Variants in GDPD5 observed in about 807,000 individuals in gnomAD.
GDPD5 encodes the protein glycerophosphodiester phosphodiesterase domain containing 5.
GDPD5 carries 48 observed loss-of-function variants against 75.1 expected under a neutral mutation model. The observed-to-expected ratio is 0.64, with a 90% CI of 0.51 to 0.81. GDPD5 has a LOEUF of 0.81. Among genes scored for constraint, GDPD5 ranks in the 40% least tolerant of loss-of-function variants. The pLI is 0.00. For synonymous variants in GDPD5, 336 were observed against 339.0 expected (o/e 0.99, Z 0.10); for missense variants, 706 against 822.6 (o/e 0.86, Z 1.73).
intron 12 of GDPD5, 117 bp downstream of exon 12, chr11:75,442,246 C>T: frequency 1.3e-6 from 1 of 742,660 alleles, no homozygotes; most frequent in East Asian, 2.7e-5. Context: ...AGTGTGTGAT[C>T]CCCATTTTAC....
Position 75,440,150 on chromosome 11 carries a change from C to T in GDPD5, c.1474-189G>A, listed in dbSNP as rs911853313. Among the ~76,000 whole-genome samples, 3 of 152,060 alleles carry T rather than the reference C, an allele frequency of 2.0e-5. No homozygotes were observed. In the East Asian group the frequency reaches 5.8e-4, roughly 29 times the overall value. On this transcript the variant is annotated intron_variant, in intron 14 of 16. Transcript: ENST00000336898. The stretch of plus-strand genomic sequence containing the variant: ...GCTCCAGGCGCTGTGGGCCTGGGGG[C>T]CGGGGCGTGTGTGTGCACACGTGTG...
chr11:75,463,548 T>C (rs954939620), intron 3 of GDPD5, among the ~76,000 whole-genome samples: 2 of 152,162 alleles, frequency 1.3e-5, no homozygotes, highest in Admixed American at 6.5e-5. Flanking sequence ...CTCCCTGCTT[T>C]CATCCGTCCC....
intron 2 of GDPD5, chr11:75,479,352 G>A (rs1330654133): frequency 1.3e-5 from 2 of 152,176 alleles, no homozygotes; most frequent in Non-Finnish European, 2.9e-5. Context: ...CATATGTTCT[G>A]TACCAGGCCC....
rs1242985895 is a variant in GDPD5 at position 75,448,957 on chromosome 11, G to C, written c.714+20C>G. ...CACCCCACCCCAACGGGGCTGTTAG[G>C]ACCCTGAGGTGGCACTCACCATGGG... On this transcript the variant is annotated intron_variant, in intron 9 of 16. Transcript: ENST00000336898. The C allele has an allele frequency of 6.5e-7, 1 of 1,546,340 alleles. No homozygotes were observed. The highest frequency in any genetic ancestry group is 1.3e-5 in the South Asian group (1 of 78,606).
At chr11:75,443,560 G>C (rs1948896037) in intron 10 of GDPD5, among the ~76,000 whole-genome samples, 1 of 152,182 alleles carries the variant, frequency 6.6e-6, no homozygotes, top group Non-Finnish European at 1.5e-5. Flanking sequence ...TACTCTCTTA[G>C]CAACCTTGGA....
chr11:75,457,635 G>C lies in GDPD5; in HGVS notation c.315+58C>G, dbSNP rs547382648. 34 of 1,437,260 alleles carry C rather than the reference G, an allele frequency of 2.4e-5. No homozygotes were observed. The African/African-American group carries it at 4.8e-4, about 20-fold the overall frequency. The allele number at this position is 1,437,260 out of a possible 1,614,324, so 89.0% of individuals were successfully genotyped here. On this transcript the variant is annotated intron_variant, in intron 5 of 16. Coordinates refer to ENST00000336898, the MANE Select transcript of GDPD5 (RefSeq NM_030792.8). ...GGACCCTCCATCAGCCCAGCACAGG[G>C]CCAGTATCCCTTCCCCTGGGAGCAG...
At chr11:75,457,361 C>T (rs541370434) in intron 5 of GDPD5, among the ~76,000 whole-genome samples, 1 of 152,312 alleles carries the variant, frequency 6.6e-6, no homozygotes, top group Admixed American at 6.5e-5. Flanking sequence ...AGAGGACCTC[C>T]TGCTTTGGGG....
intron 6 of GDPD5, chr11:75,451,572 C>T (rs979132224): frequency 6.6e-6 from 1 of 152,200 alleles, no homozygotes; most frequent in African/African-American, 2.4e-5. Flanking sequence ...TCTGGGAGGC[C>T]CAGCTGCGCC....
rs34572465 is a variant in GDPD5 at position 75,459,334 on chromosome 11, A to AT, written c.222-1549dup. ...ACAATTATAGGGTCAAAGAGAATGA[A>AT]TTTTTTTTTTTTTTTTTTGAGACAG... On this transcript the variant is annotated intron_variant, in intron 4 of 16. Coordinates refer to ENST00000336898, the MANE Select transcript of GDPD5 (RefSeq NM_030792.8). Among the ~76,000 whole-genome samples, 1,195 of 140,010 alleles carry AT rather than the reference A, an allele frequency of 8.5e-3. 8 individuals are homozygous for AT. The highest frequency in any genetic ancestry group is 0.022 in the African/African-American group (822 of 38,108). The allele number at this position is 140,010 out of a possible 152,430, so 91.9% of individuals were successfully genotyped here. A position where few individuals can be genotyped will look rare whatever the true frequency, so the allele number is the denominator to read the frequency against.
At chr11:75,506,091 G>A (rs989044763) in intron 1 of GDPD5, among the ~76,000 whole-genome samples, 2 of 152,208 alleles carry the variant, frequency 1.3e-5, no homozygotes, top group South Asian at 4.1e-4. Flanking sequence ...AGCCCCTTGG[G>A]AGGGTCAGAT....
chr11:75,495,386 A>G (rs1356817274), intron 1 of GDPD5, among the ~76,000 whole-genome samples: 4 of 151,634 alleles, frequency 2.6e-5, no homozygotes, highest in Non-Finnish European at 4.4e-5. Context: ...AATCACTTGA[A>G]CCTGAGAAGC....
chr11:75,500,244 T>C (rs1226953550), intron 1 of GDPD5, among the ~76,000 whole-genome samples: 3 of 152,060 alleles, frequency 2.0e-5, no homozygotes, highest in Admixed American at 6.5e-5. Flanking sequence ...CTGGGGCTCA[T>C]GCAGTTCATC....
chr11:75,456,858 C>A lies in GDPD5; in HGVS notation c.316-42G>T, dbSNP rs201866791. 1.0e-5 allele frequency: 16 copies of A among 1,598,478 alleles called. No individual in the cohort carries two copies. In the East Asian group the frequency reaches 1.6e-4, roughly 16 times the overall value. On this transcript the variant is annotated intron_variant, in intron 5 of 16. Transcript: ENST00000336898. Reference sequence around the variant, plus strand: ...AGGGTGATTGTCAGGCCCGTGTGGGCGGGAAGGCTTTGCCAGTTTCTCAGA... The same window carrying A: ...AGGGTGATTGTCAGGCCCGTGTGGGAGGGAAGGCTTTGCCAGTTTCTCAGA...
intron 3 of GDPD5, among the ~76,000 whole-genome samples, chr11:75,474,042 C>T (rs1949730010): frequency 6.6e-6 from 1 of 152,170 alleles, no homozygotes; most frequent in South Asian, 2.1e-4. Flanking sequence ...ATCAGGGCAC[C>T]CCAGACAAGA....
intron 4 of GDPD5, among the ~76,000 whole-genome samples, chr11:75,459,912 T>G (rs922097853): frequency 4.6e-5 from 7 of 152,018 alleles, no homozygotes; most frequent in Non-Finnish European, 8.8e-5. Flanking sequence ...TCAGAAAATC[T>G]GAGCGCTGGG....
rs961364587 is a variant in GDPD5, at chr11:75,507,846, A to G, written c.-145+17364T>C. ...ATCAGGCTCTACACACGCATTGACC[A>G]TCACAGAGCCTGCCAGTCATCAGGA... On this transcript the variant is annotated intron_variant, in intron 1 of 16. Coordinates refer to ENST00000336898, the MANE Select transcript of GDPD5 (RefSeq NM_030792.8). Among the ~76,000 whole-genome samples, 6 of 152,322 alleles carry G rather than the reference A, an allele frequency of 3.9e-5. No homozygotes were observed. The East Asian group carries it at 9.6e-4, about 24-fold the overall frequency.
rs200813634 is a variant in GDPD5, at chr11:75,449,607, T to C, written c.478A>G (p.Thr160Ala). 1.3e-6 allele frequency: 2 copies of C among 1,573,916 alleles called. No homozygotes were observed. The highest frequency in any genetic ancestry group is 2.3e-5 in the South Asian group (2 of 85,772). ...WEVLLISLQG[T>A]APFLHVGAVA... ...GCCCCCACATGCAGGAATGGCGCTG[T>C]GCCCTGTTTGCAGGGAGAGGGAAGG... The change falls in exon 8 of 17, where the codon ACA becomes GCA. Residue 160 changes from threonine (T) to alanine (A), a missense_variant. Thr to Ala is a moderately conservative substitution (Grantham distance 58). Transcript: ENST00000336898.
At chr11:75,461,860 GC>G (rs1354825454) in intron 4 of GDPD5, among the ~76,000 whole-genome samples, 2 of 152,194 alleles carry the variant, frequency 1.3e-5, no homozygotes, top group Non-Finnish European at 2.9e-5. Flanking sequence ...TGTGACCTGG[GC>G]CTGTTTCCTT....
chr11:75,441,085 A>C, intron 14 of GDPD5, 78 bp downstream of exon 14: 16 of 1,442,272 alleles, frequency 1.1e-5, no homozygotes, highest in Non-Finnish European at 1.5e-5. Context: ...CTCCAAGCAC[A>C]GAGCTTGCCG....
Sources: gnomAD v4.1 joint callset for allele counts (sites outside exome capture counted in the v4.1 genomes callset) on GRCh38, gnomAD v4.1.1 for gene constraint, MANE v1.5 for transcripts, NCBI Gene and HGNC (gene_info 2026-07-23, HGNC 2026-07-21) for gene names.